SORCS2: variants seen among roughly 807,000 people sequenced by gnomAD.
The protein encoded by SORCS2 is VPS10 domain-containing receptor SorCS2.
In SORCS2, 100 loss-of-function variants were observed where a neutral mutation model predicts 141.6. That is an observed-to-expected ratio of 0.71 (90% CI 0.60 to 0.83). The LOEUF (loss-of-function observed/expected upper bound fraction) is 0.83, where lower values mean the gene tolerates loss of function less well. SORCS2 is among the 40% of genes least tolerant of loss of function. SORCS2 has a pLI of 0.00. For missense variants in SORCS2, 1,646 were observed against 1,560.2 expected, an observed-to-expected ratio of 1.05 and a Z score of -0.93; for synonymous variants, 789 against 676.9, an observed-to-expected ratio of 1.17 and a Z score of -2.57.
At position 7,697,168 on chromosome 4, in the gene SORCS2, G is replaced by A. The variant is rs370806036; in HGVS notation, c.1592-30G>A. 1.0e-4 allele frequency: 156 copies of A among 1,546,686 alleles called. 1 individual carries two copies. In the Middle Eastern group the frequency reaches 1.8e-3, roughly 18 times the overall value. On this transcript the variant is annotated intron_variant, in intron 11 of 26. Coordinates refer to ENST00000507866, the MANE Select transcript of SORCS2 (RefSeq NM_020777.3). The stretch of plus-strand genomic sequence containing the variant: ...AGGGGTAAAGCTGGACGATCCTAAG[G>A]GTAGTACTGCCCCTTTTCTTTTGGA...
intron 3 of SORCS2, among the ~76,000 whole-genome samples, chr4:7,560,740 G>T (rs1714476435): frequency 6.6e-6 from 1 of 152,184 alleles, no homozygotes; most frequent in Non-Finnish European, 1.5e-5. Context: ...GCCTGCTGGA[G>T]AGGGGAGGGG....
At position 7,664,592 on chromosome 4, in the gene SORCS2, G is replaced by A; in HGVS notation, c.1071+121G>A. 1.4e-6 allele frequency: 1 copy of A among 691,228 alleles called. No homozygotes were observed. The highest frequency in any genetic ancestry group is 1.8e-5 in the African/African-American group (1 of 55,236). 42.8% of individuals were successfully genotyped at this position (691,228 alleles called of 1,614,324 possible). On this transcript the variant is annotated intron_variant, in intron 7 of 26. Transcript: ENST00000507866. This position sits in a 1 kb window ranked among gnomAD's most constrained non-coding sequence, Gnocchi z 4.7. ...TAAAACGGGTATTTCACTCTCAAAT[G>A]CTACTTCGCAGGTCACGGTTTCTGA...
At chr4:7,649,263 A>G (rs1721279083) in intron 4 of SORCS2, among the ~76,000 whole-genome samples, 1 of 150,468 alleles carries the variant, frequency 6.6e-6, no homozygotes, top group Admixed American at 6.6e-5. Context: ...TATTAGTGCC[A>G]CATGTGTGAG....
intron 14 of SORCS2, among the ~76,000 whole-genome samples, chr4:7,710,996 G>A (rs577722213): frequency 1.3e-5 from 2 of 152,352 alleles, no homozygotes; most frequent in African/African-American, 2.4e-5. Context: ...GCCTGGCAGC[G>A]ACGTGGCAGG....
At chr4:7,328,405 C>G (rs1204942262) in intron 1 of SORCS2, among the ~76,000 whole-genome samples, 1 of 151,954 alleles carries the variant, frequency 6.6e-6, no homozygotes, top group Non-Finnish European at 1.5e-5. Context: ...GAGCTGTGAC[C>G]ATTTCCATTT....
intron 2 of SORCS2, among the ~76,000 whole-genome samples, chr4:7,423,416 C>T (rs28532752): frequency 0.2 from 29,831 of 151,964 alleles, 3,309 homozygotes; most frequent in South Asian, 0.32. Context: ...AAGCAGGGGC[C>T]GGAGGTTTTT....
At chr4:7,220,901 A>G (rs140048796) in intron 1 of SORCS2, among the ~76,000 whole-genome samples, 2 of 152,324 alleles carry the variant, frequency 1.3e-5, no homozygotes, top group African/African-American at 4.8e-5. Flanking sequence ...AAAGAACATG[A>G]TTAATTAAGC....
intron 3 of SORCS2, among the ~76,000 whole-genome samples, chr4:7,618,041 GC>G (rs1236071055): frequency 4.6e-5 from 7 of 151,944 alleles, no homozygotes; most frequent in Non-Finnish European, 1.0e-4. Context: ...CAGCCCTGAT[GC>G]CCCAATCAAA....
At chr4:7,441,313 G>T (rs1357685477) in intron 2 of SORCS2, among the ~76,000 whole-genome samples, 3 of 152,154 alleles carry the variant, frequency 2.0e-5, no homozygotes, top group Non-Finnish European at 4.4e-5. Context: ...GCCAGGGTCG[G>T]GGCTGCTTCC....
At chr4:7,569,740 A>T (rs146232145) in intron 3 of SORCS2, among the ~76,000 whole-genome samples, 1 of 152,188 alleles carries the variant, frequency 6.6e-6, no homozygotes, top group Non-Finnish European at 1.5e-5. Flanking sequence ...TTCTCTACAC[A>T]TATAATACAA....
At chr4:7,317,422 G>T (rs970947046) in intron 1 of SORCS2, among the ~76,000 whole-genome samples, 3 of 152,216 alleles carry the variant, frequency 2.0e-5, no homozygotes, top group African/African-American at 7.2e-5. Flanking sequence ...CTTGTTCCAT[G>T]CCTGGCACAG....
At chr4:7,488,617 C>T (rs1466131352) in intron 2 of SORCS2, among the ~76,000 whole-genome samples, 1 of 152,222 alleles carries the variant, frequency 6.6e-6, no homozygotes, top group Non-Finnish European at 1.5e-5. Flanking sequence ...TCCTTCCACT[C>T]ACCAGGACAG....
At chr4:7,533,672 C>A (rs550484406) in intron 3 of SORCS2, among the ~76,000 whole-genome samples, 1 of 152,232 alleles carries the variant, frequency 6.6e-6, no homozygotes, top group African/African-American at 2.4e-5. Context: ...GGGGCAGTAA[C>A]GGAACCAAGA....
intron 3 of SORCS2, among the ~76,000 whole-genome samples, chr4:7,596,235 G>A (rs1476681143): frequency 6.6e-6 from 1 of 152,186 alleles, no homozygotes; most frequent in East Asian, 1.9e-4. Context: ...TCCAAAAATA[G>A]GGAAGAGAGC....
chr4:7,591,066 A>G (rs1041513839), intron 3 of SORCS2, among the ~76,000 whole-genome samples: 2 of 152,138 alleles, frequency 1.3e-5, no homozygotes, highest in African/African-American at 2.4e-5. Context: ...GTCTCAATGG[A>G]GGAAACTGAC....
chr4:7,576,796 G>T (rs771788130), intron 3 of SORCS2, among the ~76,000 whole-genome samples: 1 of 152,220 alleles, frequency 6.6e-6, no homozygotes, highest in African/African-American at 2.4e-5. Flanking sequence ...GGCCACAGGG[G>T]CCAGACAGGT....
At chr4:7,723,570 C>G in intron 18 of SORCS2, 127 bp from the exon 19 acceptor site, 1 of 1,065,644 alleles carries the variant, frequency 9.4e-7, no homozygotes. Context: ...TCCCCAGAGC[C>G]CACTCATGTC....
At chr4:7,639,022 C>CG in intron 4 of SORCS2, among the ~76,000 whole-genome samples, 1 of 152,052 alleles carries the variant, frequency 6.6e-6, no homozygotes, top group East Asian at 2.0e-4. Context: ...AGTGGGGGAG[C>CG]GGGGGGCCAG....
rs866999982 is a variant in SORCS2, at chr4:7,654,182, C to T, written c.862C>T (p.Arg288Ter). ...GAAAAAGTGGACACTTCTGCAAGAG[C>T]GAGTGACCAAAGACCACGTGTTCTG... ...LGKKWTLLQE[R>*]VTKDHVFWSV... The change falls in exon 5 of 27, where the codon CGA becomes TGA. Residue 288 changes from arginine to a stop codon, truncating the protein, a stop_gained. Transcript: ENST00000507866. LOFTEE classifies it high-confidence loss of function. 2 of 1,582,444 alleles carry T rather than the reference C, an allele frequency of 1.3e-6. No individual in the cohort carries two copies. Among genetic ancestry groups the T allele is most frequent in the African/African-American group, 1.3e-5 (1 of 74,508 alleles).
Sources: gnomAD v4.1 joint callset for allele counts (sites outside exome capture counted in the v4.1 genomes callset) on GRCh38, gnomAD v4.1.1 for gene constraint, Gnocchi (gnomAD v3.1) non-coding constraint, MANE v1.5 for transcripts, NCBI Gene and HGNC (gene_info 2026-07-23, HGNC 2026-07-21) for gene names.